The following LRRTM4 variants were observed in gnomAD, a reference collection of about 807,000 sequenced individuals.
The protein encoded by LRRTM4 is leucine rich repeat transmembrane neuronal 4, also known as leucine-rich repeat transmembrane neuronal protein 4.
Under a neutral mutation model 47.6 loss-of-function variants are expected in LRRTM4, and 25 were observed. The observed-to-expected ratio is 0.53, with a 90% CI of 0.38 to 0.73. The LOEUF is 0.73. LRRTM4 is among the 30% of genes least tolerant of loss of function. The pLI, the probability that LRRTM4 is intolerant of heterozygous loss-of-function variation, is 0.00. For missense variants in LRRTM4, 638 were observed against 713.4 expected, an observed-to-expected ratio of 0.89 and a Z score of 1.20; for synonymous variants, 311 against 269.5, an observed-to-expected ratio of 1.15 and a Z score of -1.51.
intron 3 of LRRTM4, among the ~76,000 whole-genome samples, chr2:77,445,554 G>T (rs1368993739): frequency 6.6e-6 from 1 of 151,864 alleles, no homozygotes; most frequent in Admixed American, 6.6e-5. Context: ...TAACATGGGG[G>T]TGAAAGTGTA....
intron 3 of LRRTM4, among the ~76,000 whole-genome samples, chr2:77,166,482 G>A (rs1672889644): frequency 6.6e-6 from 1 of 152,112 alleles, no homozygotes; most frequent in Non-Finnish European, 1.5e-5. Context: ...AAGCAAAAAA[G>A]AGCCCGCATT....
chr2:76,890,844 C>G (rs913177865), intron 3 of LRRTM4, among the ~76,000 whole-genome samples: 3 of 151,624 alleles, frequency 2.0e-5, no homozygotes, highest in Non-Finnish European at 4.4e-5. Context: ...GACTTGCATG[C>G]CAGAATAGAG....
At chr2:77,428,753 A>G (rs1675229480) in intron 3 of LRRTM4, among the ~76,000 whole-genome samples, 1 of 152,210 alleles carries the variant, frequency 6.6e-6, no homozygotes, top group South Asian at 2.1e-4. Flanking sequence ...GAATATAACT[A>G]TTGCATGTTC....
At position 77,263,793 on chromosome 2, in the gene LRRTM4, T is replaced by C. The variant is rs1573164485; in HGVS notation, c.1551+254525A>G. Among the ~76,000 whole-genome samples, 3 of 152,262 alleles carry C rather than the reference T, an allele frequency of 2.0e-5. No homozygotes were observed. In the South Asian group the frequency reaches 6.2e-4, roughly 32 times the overall value. On this transcript the variant is annotated intron_variant, in intron 3 of 3. Transcript: ENST00000409884. Reference sequence around the variant, plus strand: ...AAGTTATGCTTTTTCTCTCTTCCCCTACTATATCCTATAGAAGAAAGTTAC... The same window carrying C: ...AAGTTATGCTTTTTCTCTCTTCCCCCACTATATCCTATAGAAGAAAGTTAC...
chr2:77,518,693 A>G lies in LRRTM4; in HGVS notation c.1176T>C (p.Pro392=). The change falls in exon 3 of 4, where the codon CCT becomes CCC. Residue 392 remains proline, a synonymous_variant. Coordinates refer to ENST00000409884, the MANE Select transcript of LRRTM4 (RefSeq NM_001134745.3). ...LIIPRPTIFK[P]DVTQSTFETP... ...TTTCAAAGGTGGATTGGGTGACGTC[A>G]GGTTTGAAGATGGTAGGTCTAGGGA... The G allele has an allele frequency of 6.2e-7, 1 of 1,613,428 alleles. No individual in the cohort carries two copies. Among genetic ancestry groups the G allele is most frequent in the African/African-American group, 1.3e-5 (1 of 75,000 alleles).
At chr2:77,117,550 G>A (rs1671420057) in intron 3 of LRRTM4, among the ~76,000 whole-genome samples, 2 of 151,384 alleles carry the variant, frequency 1.3e-5, no homozygotes, top group African/African-American at 4.9e-5. Context: ...TGCTCCATAT[G>A]GGCATGGCAA....
At chr2:77,230,933 G>T (rs540143515) in intron 3 of LRRTM4, among the ~76,000 whole-genome samples, 1 of 152,100 alleles carries the variant, frequency 6.6e-6, no homozygotes, top group Admixed American at 6.6e-5. Flanking sequence ...TTCTTCAAAA[G>T]ATTTCTAAAT....
chr2:77,241,205 TACACAC>T (rs10555648), intron 3 of LRRTM4, among the ~76,000 whole-genome samples: 4,340 of 119,752 alleles, frequency 0.036, 77 homozygotes, highest in South Asian at 0.091. Flanking sequence ...GAATTGGAAA[TACACAC>T]ACACACACAC....
chr2:76,900,188 C>G (rs999599206), intron 3 of LRRTM4, among the ~76,000 whole-genome samples: 1 of 151,964 alleles, frequency 6.6e-6, no homozygotes, highest in African/African-American at 2.4e-5. Flanking sequence ...GAGCCAAGAT[C>G]ACACCACTGC....
chr2:77,467,455 G>T (rs1034490520), intron 3 of LRRTM4, among the ~76,000 whole-genome samples: 8 of 152,140 alleles, frequency 5.3e-5, no homozygotes, highest in Admixed American at 5.2e-4. Flanking sequence ...TTTTTTAATA[G>T]TCTGGATGCT....
rs1387251012 is a variant in LRRTM4, at chr2:77,384,278, G to A, written c.1551+134040C>T. Among the ~76,000 whole-genome samples, 12 of 151,596 alleles carry A rather than the reference G, an allele frequency of 7.9e-5. No individual in the cohort carries two copies. The East Asian group carries it at 2.1e-3, about 27-fold the overall frequency. On this transcript the variant is annotated intron_variant, in intron 3 of 3. Coordinates refer to ENST00000409884, the MANE Select transcript of LRRTM4 (RefSeq NM_001134745.3). ...AACATATAGTTTGATAGTTTAGAAT[G>A]TGAAGAAGTCTTGAAACAAAAAAAT...
rs563021045 is a variant in LRRTM4, at chr2:76,952,641, AG to A, written c.1552-203726del. On this transcript the variant is annotated intron_variant, in intron 3 of 3. Coordinates refer to ENST00000409884, the MANE Select transcript of LRRTM4 (RefSeq NM_001134745.3). ...GGAAAACAATTTGGAGATTTCTCAA[AG>A]AACTTAGGAAACAGAGCTACTGTTT... 2.7e-4 allele frequency among the ~76,000 whole-genome samples: 41 copies of A among 152,132 alleles called. No individual in the cohort carries two copies. The South Asian group carries it at 8.1e-3, about 30-fold the overall frequency.
At chr2:77,036,976 G>T (rs987533225) in intron 3 of LRRTM4, among the ~76,000 whole-genome samples, 1 of 151,622 alleles carries the variant, frequency 6.6e-6, no homozygotes, top group South Asian at 2.1e-4. Flanking sequence ...AATTGGAGAT[G>T]ACTCAGATGC....
At chr2:77,471,183 C>T (rs373039840) in intron 3 of LRRTM4, among the ~76,000 whole-genome samples, 1 of 151,998 alleles carries the variant, frequency 6.6e-6, no homozygotes, top group African/African-American at 2.4e-5. Context: ...ATTGTTCTTT[C>T]CCCTCTTCAT....
intron 3 of LRRTM4, among the ~76,000 whole-genome samples, chr2:77,125,657 A>C (rs1157317544): frequency 6.6e-6 from 1 of 152,192 alleles, no homozygotes; most frequent in Non-Finnish European, 1.5e-5. Context: ...ACCAAAGTGC[A>C]TGCATTCTCT....
At chr2:76,968,371 T>C (rs1193068870) in intron 3 of LRRTM4, among the ~76,000 whole-genome samples, 2 of 127,542 alleles carry the variant, frequency 1.6e-5, no homozygotes, top group Non-Finnish European at 3.4e-5. Context: ...TATATATATA[T>C]ATATATATAT....
At chr2:77,410,991 G>A (rs1008495276) in intron 3 of LRRTM4, among the ~76,000 whole-genome samples, 1 of 152,156 alleles carries the variant, frequency 6.6e-6, no homozygotes, top group African/African-American at 2.4e-5. Context: ...TGGACCCAAC[G>A]AGAATCTTAT....
In LRRTM4 at chr2:77,234,692, C is replaced by A. The variant is rs958138768; in HGVS notation, c.1551+283626G>T. Among the ~76,000 whole-genome samples, 7 of 152,212 alleles carry A rather than the reference C, an allele frequency of 4.6e-5. No individual in the cohort carries two copies. In the East Asian group the frequency reaches 1.2e-3, roughly 25 times the overall value. On this transcript the variant is annotated intron_variant, in intron 3 of 3. Coordinates refer to ENST00000409884, the MANE Select transcript of LRRTM4 (RefSeq NM_001134745.3). ...AATTGCCCATAACTGGGGCTCTGCT[C>A]AGATCAATTAATTAAGAATCTCTGG... is the stretch of plus-strand genomic sequence containing the variant.
intron 3 of LRRTM4, among the ~76,000 whole-genome samples, chr2:77,051,172 AG>A (rs1167147253): frequency 6.6e-6 from 1 of 152,042 alleles, no homozygotes; most frequent in Non-Finnish European, 1.5e-5. Flanking sequence ...GGCAAAGATC[AG>A]GGGTGCTGCT....
Sources: allele counts gnomAD v4.1 joint callset (sites outside exome capture counted in the v4.1 genomes callset), GRCh38; gene constraint gnomAD v4.1.1; transcripts MANE v1.5; gene names NCBI Gene and HGNC (gene_info 2026-07-23, HGNC 2026-07-21).